Variants in ITPRID2 observed in about 807,000 individuals in gnomAD.
ITPRID2 encodes the protein ITPR interacting domain containing 2.
In ITPRID2, 60 loss-of-function variants were observed where a neutral mutation model predicts 124.3. That is an observed-to-expected ratio of 0.48 (90% CI 0.39 to 0.60). The LOEUF (loss-of-function observed/expected upper bound fraction) is 0.60, where lower values mean the gene tolerates loss of function less well. ITPRID2 is among the 20% of genes least tolerant of loss of function. The pLI, the probability that ITPRID2 is intolerant of heterozygous loss-of-function variation, is 0.00. For synonymous variants in ITPRID2, 521 were observed against 542.9 expected (o/e 0.96, Z 0.56); for missense variants, 1,553 against 1,512.2 (o/e 1.03, Z -0.45).
In ITPRID2 at chr2:181,921,952, C is replaced by G. The variant is rs770476282; in HGVS notation, c.3215C>G (p.Thr1072Ser). The part of the protein sequence containing the change: ...PSPLNVMEPV[T>S]ELMQEQSYLK... ...ACATTTTTTTATGATCTCCAGGTCA[C>G]TGAACTGATGCAGGAGCAGTCATAC... is the stretch of plus-strand genomic sequence containing the variant. The change falls in exon 16 of 18, where the codon ACT becomes AGT. Residue 1072 changes from threonine (T) to serine (S), a missense_variant. Thr to Ser is a moderately conservative substitution (Grantham distance 58). Coordinates refer to ENST00000431877, the MANE Select transcript of ITPRID2 (RefSeq NM_001130445.3). The G allele has an allele frequency of 6.2e-7, 1 of 1,613,554 alleles. No individual in the cohort carries two copies. Among genetic ancestry groups the G allele is most frequent in the Non-Finnish European group, 8.5e-7 (1 of 1,179,688 alleles).
Position 181,915,330 on chromosome 2 carries a change from T to C in ITPRID2, c.1690T>C (p.Phe564Leu), listed in dbSNP as rs781367832. The change falls in exon 11 of 18, where the codon TTT becomes CTT. Residue 564 changes from phenylalanine (F) to leucine (L), a missense_variant. Physicochemically the swap from Phe to Leu is conservative, Grantham distance 22. Transcript: ENST00000431877. ...ATPTAQDQPY[F>L]NESEEESLVP... is the part of the protein sequence containing the mutation. ...ACCAACAGCACAAGACCAGCCTTAT[T>C]TTAATGAATCAGAGGAGGAGTCTCT... The C allele has an allele frequency of 6.2e-6, 10 of 1,614,152 alleles. No individual in the cohort carries two copies. Among genetic ancestry groups the C allele is most frequent in the Non-Finnish European group, 8.5e-6 (10 of 1,180,022 alleles).
Position 181,921,956 on chromosome 2 carries a change from A to G in ITPRID2, c.3219A>G (p.Glu1073=), listed in dbSNP as rs1177772680. 1 of 1,613,724 alleles carries G rather than the reference A, an allele frequency of 6.2e-7. No homozygotes were observed. The highest frequency in any genetic ancestry group is 2.2e-5 in the East Asian group (1 of 44,894). The change falls in exon 16 of 18, where the codon GAA becomes GAG. Residue 1073 remains glutamate, a synonymous_variant. Coordinates refer to ENST00000431877, the MANE Select transcript of ITPRID2 (RefSeq NM_001130445.3). ...TTTTTTATGATCTCCAGGTCACTGA[A>G]CTGATGCAGGAGCAGTCATACCTGA... The part of the protein sequence containing the change: ...SPLNVMEPVT[E]LMQEQSYLKS...
Position 181,918,898 on chromosome 2 carries a change from G to A in ITPRID2, c.2993+16G>A. ...AGGAGGAGAGGTAAAAGTTCATTTT[G>A]TCTTAGCACACCTCAAAAAGCTTTT... On this transcript the variant is annotated intron_variant, in intron 13 of 17. Coordinates refer to ENST00000431877, the MANE Select transcript of ITPRID2 (RefSeq NM_001130445.3). The A allele has an allele frequency of 6.2e-7, 1 of 1,606,692 alleles. No homozygotes were observed. The highest frequency in any genetic ancestry group is 8.5e-7 in the Non-Finnish European group (1 of 1,178,172).
At chr2:181,893,907 G>T (rs1210820362) in intron 2 of ITPRID2, 2 of 152,148 alleles carry the variant, frequency 1.3e-5, no homozygotes, top group African/African-American at 2.4e-5. Context: ...ACATGTTCAA[G>T]ACCTTTTGGG....
chr2:181,920,292 A>G (rs1694387022), intron 14 of ITPRID2, among the ~76,000 whole-genome samples: 1 of 152,168 alleles, frequency 6.6e-6, no homozygotes, highest in Admixed American at 6.5e-5. Flanking sequence ...ATTGCTAATG[A>G]ATGTACTTTT....
At chr2:181,913,554 T>G (rs1693790880) in intron 9 of ITPRID2, among the ~76,000 whole-genome samples, 1 of 152,238 alleles carries the variant, frequency 6.6e-6, no homozygotes, top group South Asian at 2.1e-4. Flanking sequence ...AAACATTGAT[T>G]GGATTTACCA....
intron 16 of ITPRID2, among the ~76,000 whole-genome samples, chr2:181,927,780 T>A (rs552680031): frequency 3.3e-5 from 5 of 152,376 alleles, no homozygotes; most frequent in Admixed American, 6.5e-5. Context: ...ATGAGAGCAC[T>A]TGTGTCTCTG....
At chr2:181,922,553 G>A (rs572857761) in intron 16 of ITPRID2, 141 bp downstream of exon 16, 5 of 836,388 alleles carry the variant, frequency 6.0e-6, no homozygotes, top group Non-Finnish European at 9.0e-6. Flanking sequence ...TAGCTTTCCT[G>A]TTGATCAAGT....
intron 16 of ITPRID2, among the ~76,000 whole-genome samples, chr2:181,927,410 A>C (rs1227787877): frequency 6.6e-6 from 1 of 152,218 alleles, no homozygotes; most frequent in Non-Finnish European, 1.5e-5. Context: ...AGGCATATGT[A>C]AGTGTTTGGA....
At chr2:181,929,462 G>A (rs998420539) in intron 17 of ITPRID2, 99 bp from the exon 18 acceptor site, 1 of 707,146 alleles carries the variant, frequency 1.4e-6, no homozygotes, top group East Asian at 2.6e-5. Context: ...ATGTTTCTGT[G>A]TATATATATT....
chr2:181,922,395 C>T lies in ITPRID2; in HGVS notation c.3658C>T (p.Gln1220Ter). Reference protein sequence around the residue: ...MHKNVEQDELQQVIREIKESI... With the variant: ...MHKNVEQDEL Reference sequence around the variant, plus strand: ...TAAAAATGTGGAGCAAGATGAGTTGCAGCAAGTCATACGGGAGGTGGGTAA... The same window carrying T: ...TAAAAATGTGGAGCAAGATGAGTTGTAGCAAGTCATACGGGAGGTGGGTAA... The change falls in exon 16 of 18, where the codon CAG becomes TAG. Residue 1220 changes from glutamine to a stop codon, truncating the protein, a stop_gained. Transcript: ENST00000431877. LOFTEE classifies it high-confidence loss of function. 1 of 1,611,300 alleles carries T rather than the reference C, an allele frequency of 6.2e-7. No homozygotes were observed. The highest frequency in any genetic ancestry group is 1.1e-5 in the South Asian group (1 of 90,802).
rs1694538328 is a variant in ITPRID2 at position 181,922,296 on chromosome 2, G to A, written c.3559G>A (p.Val1187Ile). 1 of 1,614,198 alleles carries A rather than the reference G, an allele frequency of 6.2e-7. No homozygotes were observed. Among genetic ancestry groups the A allele is most frequent in the Non-Finnish European group, 8.5e-7 (1 of 1,180,046 alleles). ...TGATGCAGCTGAAGGAGCCCCAGAAGTTGTAGGACCTAAATCTGAAGTGGA... is the reference window on the plus strand; with the variant it reads ...TGATGCAGCTGAAGGAGCCCCAGAAATTGTAGGACCTAAATCTGAAGTGGA... ...EVDAAEGAPE[V>I]VGPKSEVEEG... The change falls in exon 16 of 18, where the codon GTT becomes ATT. Residue 1187 changes from valine to isoleucine, a missense_variant. Val to Ile is a conservative substitution (Grantham distance 29, BLOSUM62 3). Coordinates refer to ENST00000431877, the MANE Select transcript of ITPRID2 (RefSeq NM_001130445.3).
Position 181,916,385 on chromosome 2 carries a change from A to G in ITPRID2, c.2745A>G (p.Arg915=), listed in dbSNP as rs202069106. Residue 915 remains arginine (R), a synonymous_variant, in exon 11 of 18, where the codon AGA becomes AGG. Transcript: ENST00000431877. Reference sequence around the variant, plus strand: ...CAGCCATAGAAATGCAGTTGCGAAGAGTATTACATGATATTAGAAACTCAC... The same window carrying G: ...CAGCCATAGAAATGCAGTTGCGAAGGGTATTACATGATATTAGAAACTCAC... ...PPSAIEMQLR[R]VLHDIRNSLQ... is the part of the protein sequence containing the mutation. 6.2e-7 allele frequency: 1 copy of G among 1,614,240 alleles called. No individual in the cohort carries two copies. The highest frequency in any genetic ancestry group is 8.5e-7 in the Non-Finnish European group (1 of 1,180,038).
Position 181,892,058 on chromosome 2 carries a change from AGTGCG to A in ITPRID2, c.-7_-3del. The A allele has an allele frequency of 6.5e-7, 1 of 1,548,572 alleles. No homozygotes were observed. Among genetic ancestry groups the A allele is most frequent in the Non-Finnish European group, 8.7e-7 (1 of 1,147,014 alleles). ...GTCCGGCTGGGGTAGCGGAGCCCCCAGTGCGGCCATGGACCGGCCCCTGTCGTCGT... is the reference window on the plus strand; with the variant it reads ...GTCCGGCTGGGGTAGCGGAGCCCCCAGCCATGGACCGGCCCCTGTCGTCGT... On this transcript the variant is annotated 5_prime_UTR_variant, in exon 1 of 18. Transcript: ENST00000431877. The surrounding 1 kb of genome is among the most constrained non-coding windows in gnomAD (Gnocchi z 5.2).
rs1238270916 is a variant in ITPRID2 at position 181,919,801 on chromosome 2, T to C, written c.3144+355T>C. Reference sequence around the variant, plus strand: ...CTGCAGAGAACACAGATGCATATTTTGCTGTTTTTTTTTCTTTCATGCCTT... The same window carrying C: ...CTGCAGAGAACACAGATGCATATTTCGCTGTTTTTTTTTCTTTCATGCCTT... On this transcript the variant is annotated intron_variant, in intron 14 of 17. Transcript: ENST00000431877. The surrounding 1 kb of genome is among the most constrained non-coding windows in gnomAD (Gnocchi z 4.2). Among the ~76,000 whole-genome samples, 1 of 152,104 alleles carries C rather than the reference T, an allele frequency of 6.6e-6. No homozygotes were observed. Among genetic ancestry groups the C allele is most frequent in the African/African-American group, 2.4e-5 (1 of 41,448 alleles).
At chr2:181,915,172 T>C in intron 10 of ITPRID2, 44 bp from the exon 11 acceptor site, 1 of 1,572,756 alleles carries the variant, frequency 6.4e-7, no homozygotes, top group Non-Finnish European at 8.6e-7. Context: ...TAGTGACTCT[T>C]CTTACATATA....
Position 181,909,923 on chromosome 2 carries a change from C to T in ITPRID2, c.1438C>T (p.Pro480Ser), listed in dbSNP as rs1042000897. 7 of 1,613,228 alleles carry T rather than the reference C, an allele frequency of 4.3e-6. No homozygotes were observed. In the African/African-American group the frequency reaches 5.3e-5, roughly 12 times the overall value. Residue 480 changes from proline to serine, a missense_variant, in exon 9 of 18, where the codon CCT becomes TCT. Transcript: ENST00000431877. ...GGTTCAAAGTACGGAGGGAGAAGCT[C>T]CTCATGTTCCAGCCACTTACCAGCT... ...EEVQSTEGEA[P>S]HVPATYQLGL...
Position 181,900,741 on chromosome 2 carries a change from T to C in ITPRID2, c.549T>C (p.Ile183=), listed in dbSNP as rs1225321350. ...TTTATGAGGAAGATCCTGAAGAAAT[T>C]CTTTATAATCTTGGATTTGGACGTG... is the stretch of plus-strand genomic sequence containing the variant. The part of the protein sequence containing the change: ...LELYEEDPEE[I]LYNLGFGRDE... The change falls in exon 7 of 18, where the codon ATT becomes ATC. Residue 183 remains isoleucine, a synonymous_variant. Transcript: ENST00000431877. 2.5e-6 allele frequency: 4 copies of C among 1,612,154 alleles called. No individual in the cohort carries two copies. Among genetic ancestry groups the C allele is most frequent in the Non-Finnish European group, 3.4e-6 (4 of 1,179,328 alleles).
At chr2:181,929,468 A>G in intron 17 of ITPRID2, 93 bp from the exon 18 acceptor site, 1 of 753,360 alleles carries the variant, frequency 1.3e-6, no homozygotes, top group Non-Finnish European at 2.2e-6. Context: ...CTGTGTATAT[A>G]TATTTGCATA....
Sources: gnomAD v4.1 joint callset for allele counts (sites outside exome capture counted in the v4.1 genomes callset) on GRCh38, gnomAD v4.1.1 for gene constraint, Gnocchi (gnomAD v3.1) non-coding constraint, MANE v1.5 for transcripts, NCBI Gene and HGNC (gene_info 2026-07-23, HGNC 2026-07-21) for gene names.